The following RYR2 variants were observed in gnomAD, a reference collection of about 807,000 sequenced individuals.
RYR2 encodes cardiac muscle ryanodine receptor-calcium release channel.
In RYR2, 227 loss-of-function variants were observed where a neutral mutation model predicts 601.1. The observed-to-expected ratio is 0.38, with a 90% confidence interval of 0.34 to 0.42. The LOEUF (loss-of-function observed/expected upper bound fraction) is 0.42. Among genes scored for constraint, RYR2 ranks in the 10% least tolerant of loss-of-function variants. RYR2 has a pLI of 1.00. For synonymous variants in RYR2, 2,223 were observed against 2,175.1 expected (o/e 1.02, Z -0.61); for missense variants, 4,646 against 6,156.5 (o/e 0.75, Z 8.21).
At chr1:237,825,717 G>C (rs1280345457) in intron 101 of RYR2, among the ~76,000 whole-genome samples, 3 of 152,176 alleles carry the variant, frequency 2.0e-5, no homozygotes, top group African/African-American at 7.2e-5. Context: ...ACTATCATCA[G>C]AGTGAACAGG....
intron 10 of RYR2, among the ~76,000 whole-genome samples, chr1:237,392,986 T>C (rs1239462604): frequency 1.3e-5 from 2 of 152,146 alleles, no homozygotes; most frequent in African/African-American, 4.8e-5. Flanking sequence ...AATAAATACG[T>C]TTATTTCTAA....
intron 1 of RYR2, among the ~76,000 whole-genome samples, chr1:237,240,204 T>A (rs1686002138): frequency 6.6e-6 from 1 of 152,190 alleles, no homozygotes; most frequent in African/African-American, 2.4e-5. Context: ...GTAGCCCTCT[T>A]TTGCCAGAAG....
At chr1:237,277,190 G>C (rs1425685915) in intron 2 of RYR2, among the ~76,000 whole-genome samples, 1 of 152,088 alleles carries the variant, frequency 6.6e-6, no homozygotes, top group Non-Finnish European at 1.5e-5. Flanking sequence ...ATAGGGAAAA[G>C]GCACTGAACA....
intron 1 of RYR2, among the ~76,000 whole-genome samples, chr1:237,050,109 A>G (rs143783968): frequency 1.1e-3 from 175 of 152,220 alleles, no homozygotes; most frequent in Non-Finnish European, 1.4e-3. Context: ...AATTGCTTTC[A>G]TGTTCGTTAC....
chr1:237,700,166 A>G, intron 64 of RYR2, 63 bp from the exon 65 acceptor site: 1 of 1,032,696 alleles, frequency 9.7e-7, no homozygotes, highest in Non-Finnish European at 1.4e-6. Flanking sequence ...AGAGAACCAC[A>G]ATTCATTTAT....
At chr1:237,141,490 G>A (rs1571989485) in intron 1 of RYR2, among the ~76,000 whole-genome samples, 1 of 152,192 alleles carries the variant, frequency 6.6e-6, no homozygotes, top group Admixed American at 6.5e-5. Context: ...GGGACCTTTA[G>A]TGACTTAAAT....
chr1:237,521,196 G>A (rs1257523297), intron 24 of RYR2, among the ~76,000 whole-genome samples: 2 of 151,996 alleles, frequency 1.3e-5, no homozygotes, highest in Non-Finnish European at 2.9e-5. Context: ...CTCCCTAACC[G>A]CTCTATGAAG....
intron 1 of RYR2, among the ~76,000 whole-genome samples, chr1:237,063,548 T>C (rs1024382940): frequency 6.6e-6 from 1 of 152,154 alleles, no homozygotes; most frequent in Non-Finnish European, 1.5e-5. Context: ...ATTTATCCTC[T>C]CTTTTTGTGC....
intron 25 of RYR2, among the ~76,000 whole-genome samples, chr1:237,536,852 C>G (rs112871856): frequency 0.015 from 2,241 of 151,220 alleles, 20 homozygotes; most frequent in Non-Finnish European, 0.023. Flanking sequence ...CGCCACTGCA[C>G]TCCAGCCTGG....
At chr1:237,050,833 ATTCTC>A (rs1241645466) in intron 1 of RYR2, among the ~76,000 whole-genome samples, 1 of 152,258 alleles carries the variant, frequency 6.6e-6, no homozygotes, top group Non-Finnish European at 1.5e-5. Context: ...TAGAAGTTGT[ATTCTC>A]TTCTTTTCCA....
At chr1:237,414,851 G>T (rs1337335507) in intron 10 of RYR2, among the ~76,000 whole-genome samples, 1 of 152,182 alleles carries the variant, frequency 6.6e-6, no homozygotes, top group Non-Finnish European at 1.5e-5. Context: ...CGTATGTTAA[G>T]TGAGATAAGC....
At chr1:237,505,831 C>G (rs943446712) in intron 22 of RYR2, among the ~76,000 whole-genome samples, 10 of 152,166 alleles carry the variant, frequency 6.6e-5, no homozygotes, top group African/African-American at 2.4e-4. Context: ...AACAACCAGT[C>G]CCTTACCTTG....
At chr1:237,495,615 C>T (rs1162807769) in intron 19 of RYR2, among the ~76,000 whole-genome samples, 1 of 152,158 alleles carries the variant, frequency 6.6e-6, no homozygotes, top group Non-Finnish European at 1.5e-5. Context: ...TCATTCATTT[C>T]TACCTAGTAT....
chr1:237,673,882 T>C (rs1685166826), intron 58 of RYR2, among the ~76,000 whole-genome samples: 1 of 152,236 alleles, frequency 6.6e-6, no homozygotes, highest in Non-Finnish European at 1.5e-5. Flanking sequence ...ATGTTTTAAC[T>C]GCCTCTTAGA....
chr1:237,684,295 AACAC>A (rs375131708), intron 62 of RYR2, among the ~76,000 whole-genome samples: 2 of 151,536 alleles, frequency 1.3e-5, no homozygotes, highest in African/African-American at 4.9e-5. Flanking sequence ...CCTGAAGATA[AACAC>A]ACACACACAC....
chr1:237,603,902 G>A (rs1676799254), intron 35 of RYR2, among the ~76,000 whole-genome samples: 1 of 152,106 alleles, frequency 6.6e-6, no homozygotes, highest in African/African-American at 2.4e-5. Context: ...CCCAATACAG[G>A]AGCACCCAGA....
chr1:237,560,705 G>GT (rs1463645314), intron 27 of RYR2, among the ~76,000 whole-genome samples: 2 of 152,114 alleles, frequency 1.3e-5, no homozygotes, highest in African/African-American at 2.4e-5. Context: ...CATTTGCATA[G>GT]TTTTTTGCCA....
At position 237,793,986 on chromosome 1, in the gene RYR2, A is replaced by C. The variant is rs1449876826; in HGVS notation, c.13902A>C (p.Val4634=). The change falls in exon 95 of 105, where the codon GTA becomes GTC. Residue 4634 remains valine (V), a synonymous_variant. Transcript: ENST00000366574. The stretch of plus-strand genomic sequence containing the variant: ...TTAAAGGCCAGTGGGATAGACTCGT[A>C]ATCAACACACAGTGAGTAAATAATT... ...DDIKGQWDRL[V]INTQSFPNNY... The C allele has an allele frequency of 4.3e-6, 7 of 1,611,310 alleles. No individual in the cohort carries two copies. Among genetic ancestry groups the C allele is most frequent in the Non-Finnish European group, 5.1e-6 (6 of 1,177,710 alleles).
At chr1:237,690,251 G>A (rs1370537113) in intron 63 of RYR2, among the ~76,000 whole-genome samples, 1 of 152,100 alleles carries the variant, frequency 6.6e-6, no homozygotes, top group Non-Finnish European at 1.5e-5. Flanking sequence ...AGAGAATAGT[G>A]GGTTTGGAAT....
Sources: gnomAD v4.1 joint callset for allele counts (sites outside exome capture counted in the v4.1 genomes callset) on GRCh38, gnomAD v4.1.1 for gene constraint, MANE v1.5 for transcripts, NCBI Gene and HGNC (gene_info 2026-07-23, HGNC 2026-07-21) for gene names.